RYR2: variants seen among roughly 807,000 people sequenced by gnomAD.
RYR2 encodes the protein ryanodine receptor 2.
In RYR2, 227 loss-of-function variants were observed where a neutral mutation model predicts 601.1. The ratio of observed to expected loss-of-function variants is 0.38; its 90% confidence interval spans 0.34 to 0.42. The LOEUF (loss-of-function observed/expected upper bound fraction) is 0.42, where lower values mean the gene tolerates loss of function less well. Ranked by LOEUF, RYR2 falls within the 10% of genes least tolerant of loss-of-function variation. The pLI is 1.00. For missense variants in RYR2, 4,646 were observed against 6,156.5 expected, an observed-to-expected ratio of 0.75 and a Z score of 8.21; for synonymous variants, 2,223 against 2,175.1, an observed-to-expected ratio of 1.02 and a Z score of -0.61.
At chr1:237,416,763 C>CAGAGAGAGAG (rs60010171) in intron 10 of RYR2, among the ~76,000 whole-genome samples, 1 of 147,286 alleles carries the variant, frequency 6.8e-6, no homozygotes, top group Non-Finnish European at 1.5e-5. Flanking sequence ...CACACACACA[C>CAGAGAGAGAG]AGAGAGAGAG....
In RYR2 at chr1:237,554,631, G is replaced by A. The variant is rs953989125; in HGVS notation, c.3214+3940G>A. Among the ~76,000 whole-genome samples the A allele has an allele frequency of 2.0e-5, 3 of 151,978 alleles. No individual in the cohort carries two copies. The East Asian group carries it at 5.8e-4, about 29-fold the overall frequency. ...CCTAGAGTTTTATACTATAGGAAAG[G>A]TATTTTGTTATGAATTCAATGTATT... On this transcript the variant is annotated intron_variant, in intron 27 of 104. Transcript: ENST00000366574.
chr1:237,641,546 T>C (rs1329953974), intron 47 of RYR2, among the ~76,000 whole-genome samples: 9 of 147,386 alleles, frequency 6.1e-5, no homozygotes, highest in Middle Eastern at 3.5e-3. Flanking sequence ...TTTTCTCTCT[T>C]TTTTTTTTTA....
chr1:237,186,995 C>T (rs1273457846), intron 1 of RYR2, among the ~76,000 whole-genome samples: 1 of 152,062 alleles, frequency 6.6e-6, no homozygotes, highest in African/African-American at 2.4e-5. Flanking sequence ...TGGGACTTGC[C>T]CTGACAAGTG....
At chr1:237,544,866 C>T (rs1669637590) in intron 25 of RYR2, among the ~76,000 whole-genome samples, 1 of 152,040 alleles carries the variant, frequency 6.6e-6, no homozygotes, top group Admixed American at 6.6e-5. Context: ...ATAGTGTTAT[C>T]CATTATAATT....
rs1022794029 is a variant in RYR2, at chr1:237,461,842, T to TA, written c.1612+5107_1612+5108insA. On this transcript the variant is annotated intron_variant, in intron 16 of 104. Transcript: ENST00000366574. ...TTTCCACTGGATAGAATTATGAGAGTTTTTTTAATGTTTTTGAGTTCTTAT... is the reference window on the plus strand; with the variant it reads ...TTTCCACTGGATAGAATTATGAGAGTATTTTTTAATGTTTTTGAGTTCTTAT... 8.3e-3 allele frequency among the ~76,000 whole-genome samples: 352 copies of TA among 42,376 alleles called. 1 individual carries two copies. The highest frequency in any genetic ancestry group is 0.017 in the African/African-American group (332 of 20,042). The allele number at this position is 42,376 out of a possible 152,430, so 27.8% of individuals were successfully genotyped here. A position where few individuals can be genotyped will look rare whatever the true frequency, so the allele number is the denominator to read the frequency against.
At chr1:237,532,516 A>G (rs1558980139) in intron 25 of RYR2, among the ~76,000 whole-genome samples, 1 of 152,060 alleles carries the variant, frequency 6.6e-6, no homozygotes, top group Non-Finnish European at 1.5e-5. Flanking sequence ...TCTCATTTTC[A>G]TTATCCTCAT....
chr1:237,746,507 G>A (rs1178137392), intron 80 of RYR2, among the ~76,000 whole-genome samples: 2 of 152,096 alleles, frequency 1.3e-5, no homozygotes, highest in Non-Finnish European at 2.9e-5. Context: ...AAAGAGGAAT[G>A]ATTTGCCAGC....
Position 237,367,244 on chromosome 1 carries a change from C to T in RYR2, c.310-2290C>T, listed in dbSNP as rs549284249. Among the ~76,000 whole-genome samples the T allele has an allele frequency of 5.3e-5, 8 of 152,088 alleles. No homozygotes were observed. The South Asian group carries it at 1.0e-3, about 20-fold the overall frequency. Reference sequence around the variant, plus strand: ...GAAAGTAGCTGGGATTACAGGCGCCCGCCACCATGCCCAGCTAATTTTTGT... The same window carrying T: ...GAAAGTAGCTGGGATTACAGGCGCCTGCCACCATGCCCAGCTAATTTTTGT... On this transcript the variant is annotated intron_variant, in intron 5 of 104. Coordinates refer to ENST00000366574, the MANE Select transcript of RYR2 (RefSeq NM_001035.3).
At chr1:237,374,943 G>A in intron 7 of RYR2, 148 bp downstream of exon 7, 2 of 636,364 alleles carry the variant, frequency 3.1e-6, no homozygotes, top group East Asian at 2.8e-5. Flanking sequence ...TTCCTAGAAG[G>A]GGAAAGTGTA....
At chr1:237,634,865 T>G in intron 43 of RYR2, 24 bp from the exon 44 acceptor site, 2 of 1,563,200 alleles carry the variant, frequency 1.3e-6, no homozygotes, top group Non-Finnish European at 1.7e-6. Flanking sequence ...CCAGGTTATA[T>G]TTCATCTTCA....
intron 1 of RYR2, among the ~76,000 whole-genome samples, chr1:237,206,035 G>A (rs980348518): frequency 6.6e-5 from 10 of 152,348 alleles, no homozygotes; most frequent in Middle Eastern, 3.4e-3. Flanking sequence ...GATGGCCACC[G>A]GGTCCACCAA....
At chr1:237,638,531 A>G in intron 45 of RYR2, 39 bp downstream of exon 45, 1 of 1,603,128 alleles carries the variant, frequency 6.2e-7, no homozygotes, top group Non-Finnish European at 8.5e-7. Flanking sequence ...AGTTATCATT[A>G]AAACTGCATA....
chr1:237,784,432 G>A lies in RYR2; in HGVS notation c.12720G>A (p.Thr4240=), dbSNP rs774851947. The A allele has an allele frequency of 5.0e-6, 8 of 1,613,712 alleles. No homozygotes were observed. Among genetic ancestry groups the A allele is most frequent in the Non-Finnish European group, 6.8e-6 (8 of 1,179,796 alleles). Reference sequence around the variant, plus strand: ...GGATGGCTTTCTTCTCCATTCTGACGGTCAGGTCGGCCCTGTTTGCGCTCA... The same window carrying A: ...GGATGGCTTTCTTCTCCATTCTGACAGTCAGGTCGGCCCTGTTTGCGCTCA... ...GPRMAFFSIL[T]VRSALFALRY... The change falls in exon 90 of 105, where the codon ACG becomes ACA. Residue 4240 remains threonine, a synonymous_variant. Coordinates refer to ENST00000366574, the MANE Select transcript of RYR2 (RefSeq NM_001035.3). The surrounding 1 kb of genome is among the most constrained non-coding windows in gnomAD (Gnocchi z 7.1).
At chr1:237,631,915 G>A (rs997463248) in intron 42 of RYR2, among the ~76,000 whole-genome samples, 1 of 151,710 alleles carries the variant, frequency 6.6e-6, no homozygotes, top group African/African-American at 2.4e-5. Context: ...TTACAGGCGT[G>A]AGCCACCGCG....
chr1:237,716,036 A>G (rs1392580427), intron 71 of RYR2, among the ~76,000 whole-genome samples: 1 of 152,168 alleles, frequency 6.6e-6, no homozygotes, highest in African/African-American at 2.4e-5. Flanking sequence ...CAATAAGCAT[A>G]TCTTTTTGGA....
At chr1:237,826,960 C>G (rs183207751) in intron 101 of RYR2, among the ~76,000 whole-genome samples, 239 of 152,322 alleles carry the variant, frequency 1.6e-3, no homozygotes, top group Middle Eastern at 3.4e-3. Context: ...CTAGCTCTTC[C>G]TTTTACTTCC....
Position 237,785,869 on chromosome 1 carries a change from T to C in RYR2, c.13261-100T>C, listed in dbSNP as rs953973737. 2.5e-5 allele frequency: 21 copies of C among 837,796 alleles called. No individual in the cohort carries two copies. In the African/African-American group the frequency reaches 3.0e-4, roughly 12 times the overall value. The allele number at this position is 837,796 out of a possible 1,614,324, so 51.9% of individuals were successfully genotyped here. On this transcript the variant is annotated intron_variant, in intron 90 of 104. Coordinates refer to ENST00000366574, the MANE Select transcript of RYR2 (RefSeq NM_001035.3). Reference sequence around the variant, plus strand: ...ATCGTGGTATAAGCAAGAGGGTATCTTATATAGGTTATGGTTTGACACATG... The same window carrying C: ...ATCGTGGTATAAGCAAGAGGGTATCCTATATAGGTTATGGTTTGACACATG...
intron 19 of RYR2, among the ~76,000 whole-genome samples, chr1:237,494,437 C>CT (rs1401258522): frequency 6.6e-6 from 1 of 152,194 alleles, no homozygotes; most frequent in African/African-American, 2.4e-5. Context: ...CCTCTGTCTG[C>CT]TTTTATTCTA....
At chr1:237,123,822 C>T (rs566492766) in intron 1 of RYR2, among the ~76,000 whole-genome samples, 1 of 151,700 alleles carries the variant, frequency 6.6e-6, no homozygotes, top group Admixed American at 6.6e-5. Context: ...TGCCCGCCAC[C>T]GCGCCCGGCT....
Sources: allele counts gnomAD v4.1 joint callset (sites outside exome capture counted in the v4.1 genomes callset), GRCh38; gene constraint gnomAD v4.1.1; non-coding constraint Gnocchi (gnomAD v3.1); transcripts MANE v1.5; gene names NCBI Gene and HGNC (gene_info 2026-07-23, HGNC 2026-07-21).